BIRC6: variants seen among roughly 807,000 people sequenced by gnomAD.
BIRC6 encodes baculoviral IAP repeat containing 6, also known as dual E2 ubiquitin-conjugating enzyme/E3 ubiquitin-protein ligase BIRC6.
In BIRC6, 98 loss-of-function variants were observed where a neutral mutation model predicts 503.3. The observed-to-expected ratio is 0.19, with a 90% CI of 0.17 to 0.23. The LOEUF is 0.23. Ranked by LOEUF, BIRC6 falls within the 10% of genes least tolerant of loss-of-function variation. The pLI is 1.00. For synonymous variants in BIRC6, 2,240 were observed against 2,078.7 expected (o/e 1.08, Z -2.11); for missense variants, 5,360 against 5,806.0 (o/e 0.92, Z 2.50).
chr2:32,539,769 A>G (rs1481830526), intron 61 of BIRC6, among the ~76,000 whole-genome samples: 12 of 152,108 alleles, frequency 7.9e-5, no homozygotes, highest in Non-Finnish European at 8.8e-5. Context: ...AGTACAATTA[A>G]CCAAAAATCA....
chr2:32,362,643 A>G (rs2034296938), intron 1 of BIRC6, among the ~76,000 whole-genome samples: 1 of 152,220 alleles, frequency 6.6e-6, no homozygotes, highest in African/African-American at 2.4e-5. Flanking sequence ...AAAATAAAAA[A>G]GCTACACACC....
At chr2:32,381,878 A>G (rs984967115) in intron 3 of BIRC6, among the ~76,000 whole-genome samples, 1 of 151,922 alleles carries the variant, frequency 6.6e-6, no homozygotes, top group Non-Finnish European at 1.5e-5. Context: ...TTTGTCTTGG[A>G]TATCTTCTCA....
In BIRC6 at chr2:32,585,265, G is replaced by A. The variant is rs562267635; in HGVS notation, c.13356-8650G>A. Among the ~76,000 whole-genome samples the A allele has an allele frequency of 1.1e-3, 163 of 152,220 alleles. 1 individual carries two copies. In the Middle Eastern group the frequency reaches 0.017, roughly 16 times the overall value. ...CGATTGTGAGGACTCAAAATTTGGT[G>A]AAAATCAATTTTAGAAATGTTCTGA... On this transcript the variant is annotated intron_variant, in intron 66 of 73. Transcript: ENST00000421745.
intron 61 of BIRC6, 134 bp downstream of exon 61, chr2:32,531,685 A>G: frequency 1.3e-6 from 1 of 786,614 alleles, no homozygotes; most frequent in Non-Finnish European, 2.0e-6. Context: ...AACATTATAT[A>G]ACTCTTTCAA....
intron 61 of BIRC6, among the ~76,000 whole-genome samples, chr2:32,541,778 TATTAAG>T (rs1037269283): frequency 6.6e-6 from 1 of 152,084 alleles, no homozygotes; most frequent in Non-Finnish European, 1.5e-5. Flanking sequence ...TTCTTTGAAT[TATTAAG>T]ATTAAATTAT....
intron 65 of BIRC6, chr2:32,564,380 C>T (rs1319307531): frequency 1.3e-5 from 2 of 152,234 alleles, no homozygotes; most frequent in African/African-American, 4.8e-5. Flanking sequence ...CAGTTGATGT[C>T]TATTTGTTTT....
At chr2:32,371,236 AAAAAG>A (rs1392425257) in intron 1 of BIRC6, among the ~76,000 whole-genome samples, 2 of 151,408 alleles carry the variant, frequency 1.3e-5, no homozygotes, top group African/African-American at 4.8e-5. Flanking sequence ...AAAAAAAAAA[AAAAAG>A]GAAATTTTCA....
At chr2:32,404,667 AAT>A (rs964223826) in intron 8 of BIRC6, among the ~76,000 whole-genome samples, 4 of 151,592 alleles carry the variant, frequency 2.6e-5, no homozygotes, top group African/African-American at 9.7e-5. Context: ...TGATTTTACA[AAT>A]ATATATATAT....
At chr2:32,402,274 G>C (rs1482056011) in intron 8 of BIRC6, among the ~76,000 whole-genome samples, 1 of 152,200 alleles carries the variant, frequency 6.6e-6, no homozygotes. Flanking sequence ...AACCACTGTG[G>C]TTTTGACTGA....
intron 26 of BIRC6, among the ~76,000 whole-genome samples, chr2:32,467,303 A>G (rs975975237): frequency 1.3e-5 from 2 of 152,030 alleles, no homozygotes; most frequent in African/African-American, 4.8e-5. Context: ...AGCTACTCTT[A>G]ATTTTCTACT....
rs1225983440 is a variant in BIRC6 at position 32,380,202 on chromosome 2, C to T, written c.557C>T (p.Thr186Ile). The change falls in exon 3 of 74, where the codon ACA becomes ATA. Residue 186 changes from threonine (T) to isoleucine (I), a missense_variant. Physicochemically the swap from Thr to Ile is moderately conservative, Grantham distance 89. Transcript: ENST00000421745. ...ACLEKVDISS[T>I]EGYDLFITQL... ...TTAGAAAAGGTAGATATTTCTAGTA[C>T]AGAGGGTTATGATTTGTTCATCACA... 13 of 1,603,144 alleles carry T rather than the reference C, an allele frequency of 8.1e-6. No individual in the cohort carries two copies. In the Admixed American group the frequency reaches 1.7e-4, roughly 21 times the overall value.
In BIRC6 at chr2:32,449,987, A is replaced by T. The variant is rs148360442; in HGVS notation, c.4618+1059A>T. Among the ~76,000 whole-genome samples, 821 of 152,308 alleles carry T rather than the reference A, an allele frequency of 5.4e-3. 9 individuals are homozygous for T. Among genetic ancestry groups the T allele is most frequent in the African/African-American group, 0.019 (773 of 41,552 alleles). ...TCTTCTCTATCCAAGTGATGCATCAATTAGACCATTGTAATTTATGATTGG... is the reference window on the plus strand; with the variant it reads ...TCTTCTCTATCCAAGTGATGCATCATTTAGACCATTGTAATTTATGATTGG... On this transcript the variant is annotated intron_variant, in intron 22 of 73. Coordinates refer to ENST00000421745, the MANE Select transcript of BIRC6 (RefSeq NM_016252.4).
At position 32,415,382 on chromosome 2, in the gene BIRC6, C is replaced by A. The variant is rs536388317; in HGVS notation, c.2091C>A (p.Asn697Lys). ...YIQQFADAAA[N>K]LTSPDSEKWN... is the part of the protein sequence containing the mutation. Reference sequence around the variant, plus strand: ...AGCAATTTGCAGATGCAGCAGCCAACCTTACCTCTCCGGATTCTGAGAAGT... The same window carrying A: ...AGCAATTTGCAGATGCAGCAGCCAAACTTACCTCTCCGGATTCTGAGAAGT... The change falls in exon 10 of 74, where the codon AAC (asparagine) becomes AAA (lysine). Residue 697 changes from asparagine to lysine, a missense_variant. Physicochemically the swap from Asn to Lys is moderately conservative, Grantham distance 94. Coordinates refer to ENST00000421745, the MANE Select transcript of BIRC6 (RefSeq NM_016252.4). 46 of 1,614,038 alleles carry A rather than the reference C, an allele frequency of 2.8e-5. 1 individual carries two copies. The South Asian group carries it at 4.8e-4, about 17-fold the overall frequency.
intron 63 of BIRC6, 110 bp from the exon 64 acceptor site, chr2:32,547,740 A>G: frequency 1.0e-6 from 1 of 985,978 alleles, no homozygotes; most frequent in Non-Finnish European, 1.4e-6. Flanking sequence ...TTGAGCAGCC[A>G]CCAAACTGTT....
intron 65 of BIRC6, among the ~76,000 whole-genome samples, chr2:32,569,279 G>A (rs547075301): frequency 6.6e-5 from 10 of 152,144 alleles, no homozygotes; most frequent in African/African-American, 1.7e-4. Flanking sequence ...GTGAGCCACC[G>A]CACTTGGCCT....
chr2:32,505,684 T>G (rs1444480455), intron 50 of BIRC6, among the ~76,000 whole-genome samples: 1 of 152,238 alleles, frequency 6.6e-6, no homozygotes, highest in Non-Finnish European at 1.5e-5. Flanking sequence ...ATACTGTGTT[T>G]ATTGTAATAT....
intron 9 of BIRC6, among the ~76,000 whole-genome samples, chr2:32,408,242 A>G (rs1429367568): frequency 1.3e-5 from 2 of 152,148 alleles, no homozygotes; most frequent in African/African-American, 4.8e-5. Context: ...TGCTAGGATT[A>G]CAGGCGTGAG....
At chr2:32,522,085 T>A (rs1247947081) in intron 57 of BIRC6, 1 of 152,062 alleles carries the variant, frequency 6.6e-6, no homozygotes, top group Non-Finnish European at 1.5e-5. Context: ...CCCATCATTT[T>A]TTTTCTCTAT....
chr2:32,404,461 C>T (rs1037622293), intron 8 of BIRC6, among the ~76,000 whole-genome samples: 7 of 151,546 alleles, frequency 4.6e-5, no homozygotes, highest in African/African-American at 1.2e-4. Context: ...GGGACTGACC[C>T]GTGCCACCAT....
Sources: gnomAD v4.1 joint callset for allele counts (sites outside exome capture counted in the v4.1 genomes callset) on GRCh38, gnomAD v4.1.1 for gene constraint, MANE v1.5 for transcripts, NCBI Gene and HGNC (gene_info 2026-07-23, HGNC 2026-07-21) for gene names.